Variants in SPEF2 observed in about 807,000 individuals in gnomAD.
SPEF2 encodes sperm flagella and cilia-associated protein 2.
In SPEF2, 187 loss-of-function variants were observed where a neutral mutation model predicts 224.6. The observed-to-expected ratio is 0.83, with a 90% CI of 0.74 to 0.94. The LOEUF (loss-of-function observed/expected upper bound fraction) is 0.94, where lower values mean the gene tolerates loss of function less well. SPEF2 is among the 40% of genes least tolerant of loss of function. SPEF2 has a pLI of 0.00. For missense variants in SPEF2, 2,170 were observed against 2,135.6 expected, an observed-to-expected ratio of 1.02 and a Z score of -0.32; for synonymous variants, 715 against 707.3, an observed-to-expected ratio of 1.01 and a Z score of -0.17.
intron 11 of SPEF2, 122 bp from the exon 12 acceptor site, chr5:35,692,448 A>T (rs1012510911): frequency 8.4e-6 from 6 of 712,258 alleles, no homozygotes; most frequent in African/African-American, 3.6e-5. Flanking sequence ...AAGAAACTTG[A>T]TCCAAAAGAC....
chr5:35,757,587 G>T (rs974367499), intron 24 of SPEF2, among the ~76,000 whole-genome samples: 4 of 151,996 alleles, frequency 2.6e-5, no homozygotes, highest in African/African-American at 9.7e-5. Context: ...GTGTCATTCT[G>T]CAAGTTCTTA....
At chr5:35,651,053 G>A (rs1748121261) in intron 6 of SPEF2, among the ~76,000 whole-genome samples, 1 of 152,168 alleles carries the variant, frequency 6.6e-6, no homozygotes, top group Non-Finnish European at 1.5e-5. Context: ...CGGCCACTTG[G>A]CCCATGTTCC....
chr5:35,708,602 CAGA>C (rs1740346292), intron 18 of SPEF2, among the ~76,000 whole-genome samples: 31 of 111,656 alleles, frequency 2.8e-4, no homozygotes, highest in Middle Eastern at 4.1e-3. Flanking sequence ...ATCCCCACCA[CAGA>C]CTTCACCACC....
chr5:35,692,051 G>A (rs539579535), intron 11 of SPEF2, among the ~76,000 whole-genome samples: 6 of 151,378 alleles, frequency 4.0e-5, no homozygotes, highest in Admixed American at 2.0e-4. Flanking sequence ...ACCCACCTCA[G>A]CCCCCAAAAA....
chr5:35,760,361 T>TA (rs929991741), intron 25 of SPEF2, among the ~76,000 whole-genome samples: 83 of 2,822 alleles, frequency 0.029, no homozygotes, highest in South Asian at 0.056. Context: ...AGACTCCGTC[T>TA]AAAAAAAAAA....
chr5:35,798,802 C>T (rs1302923570), intron 33 of SPEF2, among the ~76,000 whole-genome samples: 1 of 152,044 alleles, frequency 6.6e-6, no homozygotes, highest in African/African-American at 2.4e-5. Flanking sequence ...CTATGTTGGC[C>T]AGAGTGGTCT....
At chr5:35,720,228 A>G (rs1426454783) in intron 20 of SPEF2, among the ~76,000 whole-genome samples, 2 of 152,356 alleles carry the variant, frequency 1.3e-5, no homozygotes, top group African/African-American at 4.8e-5. Context: ...TCATAGGAGT[A>G]TACCTTGCTT....
At chr5:35,618,078 G>T (rs761828306) in intron 1 of SPEF2, 23 bp downstream of exon 1, 1 of 1,572,174 alleles carries the variant, frequency 6.4e-7, no homozygotes, top group East Asian at 2.4e-5. Flanking sequence ...GGCCAGGGGC[G>T]AGCGTCTGAG....
At chr5:35,645,089 A>G (rs538057209) in intron 4 of SPEF2, among the ~76,000 whole-genome samples, 1 of 152,106 alleles carries the variant, frequency 6.6e-6, no homozygotes, top group Non-Finnish European at 1.5e-5. Flanking sequence ...AAACTCTTTA[A>G]TGATCTTCTG....
chr5:35,700,784 T>G, intron 16 of SPEF2, 32 bp downstream of exon 16: 1 of 1,606,472 alleles, frequency 6.2e-7, no homozygotes, highest in Non-Finnish European at 8.5e-7. Context: ...ACACTCTTTT[T>G]ACAATGAAAA....
intron 15 of SPEF2, chr5:35,698,219 C>T (rs1181677380): frequency 6.3e-6 from 1 of 157,878 alleles, no homozygotes; most frequent in Non-Finnish European, 1.4e-5. Context: ...CTGCAGACAA[C>T]TTAGAGTAGG....
intron 22 of SPEF2, 25 bp downstream of exon 22, chr5:35,740,071 A>G: frequency 1.2e-6 from 2 of 1,614,086 alleles, no homozygotes; most frequent in Non-Finnish European, 1.7e-6. Flanking sequence ...CAAAGTCAGA[A>G]TTTTACAGTT....
intron 21 of SPEF2, 59 bp downstream of exon 21, chr5:35,727,882 T>G: frequency 6.4e-7 from 1 of 1,555,702 alleles, no homozygotes; most frequent in East Asian, 2.3e-5. Context: ...TATAGTAAGA[T>G]TCACACTGTC....
chr5:35,659,244 A>G, intron 8 of SPEF2, 37 bp downstream of exon 8: 1 of 1,505,350 alleles, frequency 6.6e-7, no homozygotes, highest in Non-Finnish European at 8.9e-7. Context: ...TTCTAAGGTT[A>G]CTTTTGTTTC....
At chr5:35,712,706 A>T in intron 19 of SPEF2, 106 bp from the exon 20 acceptor site, 1 of 1,090,662 alleles carries the variant, frequency 9.2e-7, no homozygotes, top group East Asian at 2.4e-5. Flanking sequence ...CAGTTCACAA[A>T]TGTAACTGTT....
At chr5:35,646,461 A>G (rs1747381858) in intron 4 of SPEF2, 1 of 426,504 alleles carries the variant, frequency 2.3e-6, no homozygotes, top group East Asian at 3.7e-5. Context: ...AGATTCCAGA[A>G]TTGTGTTTTA....
chr5:35,748,946 C>T (rs372304458), intron 23 of SPEF2, among the ~76,000 whole-genome samples: 1 of 152,110 alleles, frequency 6.6e-6, no homozygotes, highest in East Asian at 1.9e-4. Context: ...AAAATAGTAG[C>T]TAACCAAATC....
intron 21 of SPEF2, among the ~76,000 whole-genome samples, chr5:35,736,981 T>G (rs1162921359): frequency 6.6e-6 from 1 of 152,246 alleles, no homozygotes; most frequent in Non-Finnish European, 1.5e-5. Context: ...TTACTTTGGT[T>G]GGACCACTTC....
At chr5:35,769,331 T>TG (rs1752481654) in intron 26 of SPEF2, among the ~76,000 whole-genome samples, 1 of 151,616 alleles carries the variant, frequency 6.6e-6, no homozygotes, top group Non-Finnish European at 1.5e-5. Flanking sequence ...ACTAAGAACT[T>TG]GCAAGTACAG....
Sources: gnomAD v4.1 joint callset for allele counts (sites outside exome capture counted in the v4.1 genomes callset) on GRCh38, gnomAD v4.1.1 for gene constraint, MANE v1.5 for transcripts, NCBI Gene and HGNC (gene_info 2026-07-23, HGNC 2026-07-21) for gene names.